Variants in PRELID3A observed in about 807,000 individuals in gnomAD.
PRELID3A encodes the protein PRELI domain containing protein 3A.
PRELID3A carries 27 observed loss-of-function variants against 23.0 expected under a neutral mutation model. The observed-to-expected ratio is 1.17, with a 90% CI of 0.87 to 1.62. PRELID3A has a LOEUF of 1.62. PRELID3A is among the 40% of genes most tolerant of loss of function. The probability of loss-of-function intolerance (pLI) is 0.00; values close to 1 mark genes in which losing one functional copy is unlikely to be tolerated. For missense variants in PRELID3A, 231 were observed against 231.4 expected (o/e 1.00, Z 0.01); for synonymous variants, 87 against 86.4 (o/e 1.01, Z -0.04).
intron 1 of PRELID3A, among the ~76,000 whole-genome samples, chr18:12,415,826 G>A (rs2029933629): frequency 6.6e-6 from 1 of 152,164 alleles, no homozygotes; most frequent in Non-Finnish European, 1.5e-5. Context: ...CCCCAGCTCA[G>A]AAACCAGCTT....
At chr18:12,411,779 C>T (rs911523177) in intron 1 of PRELID3A, among the ~76,000 whole-genome samples, 2 of 152,200 alleles carry the variant, frequency 1.3e-5, no homozygotes, top group African/African-American at 2.4e-5. Flanking sequence ...CACTGGTGTT[C>T]CACTGTGTCT....
chr18:12,411,270 AAC>A (rs1598854317), intron 1 of PRELID3A, among the ~76,000 whole-genome samples: 1 of 151,822 alleles, frequency 6.6e-6, no homozygotes, highest in South Asian at 2.1e-4. Context: ...CATCCTGGCT[AAC>A]ACAATGAAAC....
At chr18:12,421,206 C>T (rs890627762) in intron 2 of PRELID3A, 2 of 280,118 alleles carry the variant, frequency 7.1e-6, no homozygotes, top group Non-Finnish European at 1.3e-5. Flanking sequence ...ACACCCCCAC[C>T]CCAGCACTAT....
At chr18:12,416,268 C>CGT (rs1376752684) in intron 1 of PRELID3A, among the ~76,000 whole-genome samples, 1 of 152,110 alleles carries the variant, frequency 6.6e-6, no homozygotes, top group African/African-American at 2.4e-5. Flanking sequence ...CCATTGAAAG[C>CGT]GTGTCAGGCT....
Position 12,420,385 on chromosome 18 carries a change from G to C in PRELID3A, c.93G>C (p.Pro31=), listed in dbSNP as rs775576832. ...GCAAGTACCCGAACCCGATGAACCCGAGCGTGCTGGGCGTGGATGTGCTAC... is the reference window on the plus strand; with the variant it reads ...GCAAGTACCCGAACCCGATGAACCCCAGCGTGCTGGGCGTGGATGTGCTAC... ...AMRKYPNPMN[P]SVLGVDVLQR... is the part of the protein sequence containing the mutation. Residue 31 remains proline, a synonymous_variant, in exon 2 of 7, where the codon CCG becomes CCC. Transcript: ENST00000440960. The C allele has an allele frequency of 6.2e-7, 1 of 1,610,870 alleles. No homozygotes were observed. Among genetic ancestry groups the C allele is most frequent in the Non-Finnish European group, 8.5e-7 (1 of 1,179,102 alleles).
intron 1 of PRELID3A, among the ~76,000 whole-genome samples, chr18:12,416,670 G>C (rs1467600736): frequency 7.0e-6 from 1 of 141,952 alleles, no homozygotes; most frequent in Admixed American, 7.4e-5. Flanking sequence ...TTTTTAGACA[G>C]AGTCTCACTC....
chr18:12,424,589 G>A (rs535786388), intron 3 of PRELID3A, among the ~76,000 whole-genome samples: 1 of 152,232 alleles, frequency 6.6e-6, no homozygotes, highest in Non-Finnish European at 1.5e-5. Context: ...TAGGAGGAGA[G>A]AGATTTCCTA....
At chr18:12,416,107 C>T (rs962042769) in intron 1 of PRELID3A, among the ~76,000 whole-genome samples, 3 of 152,198 alleles carry the variant, frequency 2.0e-5, no homozygotes, top group African/African-American at 4.8e-5. Flanking sequence ...TGACTGATTT[C>T]GGCAGGGGCG....
At chr18:12,425,749 G>A (rs552068381) in intron 3 of PRELID3A, among the ~76,000 whole-genome samples, 9 of 151,974 alleles carry the variant, frequency 5.9e-5, no homozygotes, top group South Asian at 2.1e-4. Flanking sequence ...AGACCAGCCC[G>A]GGCAGCATTG....
At chr18:12,417,203 T>TTGC (rs1417425293) in intron 1 of PRELID3A, among the ~76,000 whole-genome samples, 1 of 152,172 alleles carries the variant, frequency 6.6e-6, no homozygotes, top group Non-Finnish European at 1.5e-5. Context: ...AGATGGAGCC[T>TTGC]TGCTTCGTTG....
At chr18:12,419,728 A>G (rs1223526118) in intron 1 of PRELID3A, among the ~76,000 whole-genome samples, 1 of 151,896 alleles carries the variant, frequency 6.6e-6, no homozygotes, top group Non-Finnish European at 1.5e-5. Context: ...TCACGAGGTC[A>G]GGAGATCGAG....
chr18:12,427,163 G>A, intron 4 of PRELID3A, 52 bp downstream of exon 4: 1 of 1,601,376 alleles, frequency 6.2e-7, no homozygotes, highest in African/African-American at 1.3e-5. Context: ...GTGAGGGCAG[G>A]GCAGACCCTC....
intron 3 of PRELID3A, among the ~76,000 whole-genome samples, chr18:12,426,282 G>T (rs536515661): frequency 4.0e-5 from 6 of 149,986 alleles, no homozygotes; most frequent in South Asian, 2.1e-4. Flanking sequence ...AGGCCGGGTG[G>T]AGTGGCTCAC....
At chr18:12,411,817 A>G (rs2143322537) in intron 1 of PRELID3A, among the ~76,000 whole-genome samples, 1 of 152,176 alleles carries the variant, frequency 6.6e-6, no homozygotes, top group East Asian at 1.9e-4. Flanking sequence ...CGTGAGGATC[A>G]GTTTGGTGGG....
chr18:12,414,186 C>G (rs1473935035), intron 1 of PRELID3A, among the ~76,000 whole-genome samples: 1 of 151,910 alleles, frequency 6.6e-6, no homozygotes, highest in South Asian at 2.1e-4. Flanking sequence ...TTCTGGTGCA[C>G]TTCTGTTCCC....
At chr18:12,424,383 G>A (rs1342938062) in intron 3 of PRELID3A, among the ~76,000 whole-genome samples, 1 of 152,200 alleles carries the variant, frequency 6.6e-6, no homozygotes, top group East Asian at 1.9e-4. Context: ...CATTTTCTGA[G>A]TCTCACATTT....
intron 5 of PRELID3A, 47 bp from the exon 6 acceptor site, chr18:12,429,303 G>T: frequency 6.4e-7 from 1 of 1,553,926 alleles, no homozygotes; most frequent in Non-Finnish European, 8.9e-7. Flanking sequence ...TGTCTGCAGC[G>T]GGAGGCGGGA....
At chr18:12,422,028 C>T (rs1234933172) in intron 3 of PRELID3A, among the ~76,000 whole-genome samples, 1 of 151,644 alleles carries the variant, frequency 6.6e-6, no homozygotes, top group Non-Finnish European at 1.5e-5. Flanking sequence ...CAGCCTCGCA[C>T]TCCTGGGCTC....
intron 1 of PRELID3A, among the ~76,000 whole-genome samples, chr18:12,414,661 G>A (rs1020830546): frequency 6.6e-6 from 1 of 152,138 alleles, no homozygotes; most frequent in Non-Finnish European, 1.5e-5. Flanking sequence ...GGGAGGTGGA[G>A]GTTGCAGTGA....
Sources: gnomAD v4.1 joint callset for allele counts (sites outside exome capture counted in the v4.1 genomes callset) on GRCh38, gnomAD v4.1.1 for gene constraint, MANE v1.5 for transcripts, NCBI Gene and HGNC (gene_info 2026-07-23, HGNC 2026-07-21) for gene names.